The following RPH3A variants were observed in gnomAD, a reference collection of about 807,000 sequenced individuals.
RPH3A encodes the protein rabphilin 3A.
In RPH3A, 48 loss-of-function variants were observed where a neutral mutation model predicts 102.2. The ratio of observed to expected loss-of-function variants is 0.47; its 90% confidence interval spans 0.37 to 0.60. RPH3A has a LOEUF of 0.60. Ranked by LOEUF, RPH3A falls within the 20% of genes least tolerant of loss-of-function variation. The probability of loss-of-function intolerance (pLI) is 0.00; values close to 1 mark genes in which losing one functional copy is unlikely to be tolerated. For missense variants in RPH3A, 781 were observed against 910.1 expected (o/e 0.86, Z 1.83); for synonymous variants, 310 against 324.3 (o/e 0.96, Z 0.47).
At chr12:112,807,231 A>C (rs765058060) in intron 2 of RPH3A, among the ~76,000 whole-genome samples, 4 of 152,166 alleles carry the variant, frequency 2.6e-5, no homozygotes, top group African/African-American at 9.7e-5. Context: ...TGCAGGGTTC[A>C]CATGAAGGCA....
chr12:112,799,689 C>T (rs893599224), intron 2 of RPH3A, among the ~76,000 whole-genome samples: 3 of 152,156 alleles, frequency 2.0e-5, no homozygotes, highest in African/African-American at 7.2e-5. Flanking sequence ...CTTCACCTTC[C>T]CTAACCCCTG....
chr12:112,870,177 T>C, intron 10 of RPH3A, 138 bp downstream of exon 10: 1 of 847,266 alleles, frequency 1.2e-6, no homozygotes, highest in Non-Finnish European at 1.7e-6. Context: ...TTCCAGATAC[T>C]GGTTTTAGTC....
At chr12:112,855,133 T>C (rs895271011) in intron 5 of RPH3A, among the ~76,000 whole-genome samples, 3 of 152,204 alleles carry the variant, frequency 2.0e-5, no homozygotes, top group Non-Finnish European at 4.4e-5. Flanking sequence ...TTCATTCTTC[T>C]AGCCTCTGGG....
intron 1 of RPH3A, among the ~76,000 whole-genome samples, chr12:112,726,242 G>A (rs1262820915): frequency 6.6e-6 from 1 of 152,114 alleles, no homozygotes; most frequent in Non-Finnish European, 1.5e-5. Flanking sequence ...GGGCTCCTGA[G>A]TAGCTGGGAT....
chr12:112,848,707 G>T (rs1353219490), intron 5 of RPH3A, among the ~76,000 whole-genome samples: 1 of 152,124 alleles, frequency 6.6e-6, no homozygotes, highest in African/African-American at 2.4e-5. Flanking sequence ...GAGAAGCAAG[G>T]CTTATAAGAA....
At chr12:112,868,850 T>A in intron 8 of RPH3A, 1 of 379,786 alleles carries the variant, frequency 2.6e-6, no homozygotes. Context: ...ATATCTAGTG[T>A]ACAAGAGGTG....
chr12:112,834,859 T>A (rs1485453130), intron 3 of RPH3A, among the ~76,000 whole-genome samples: 2 of 149,354 alleles, frequency 1.3e-5, no homozygotes, highest in Non-Finnish European at 3.0e-5. Flanking sequence ...TGGATATACA[T>A]GTTACAAATA....
intron 1 of RPH3A, among the ~76,000 whole-genome samples, chr12:112,659,342 A>G (rs140050355): frequency 1.6e-3 from 244 of 152,290 alleles, no homozygotes; most frequent in African/African-American, 5.7e-3. Flanking sequence ...GCTTTCTCAG[A>G]CTTTCTTTGA....
At chr12:112,639,937 A>G (rs1286569922) in intron 1 of RPH3A, among the ~76,000 whole-genome samples, 1 of 152,136 alleles carries the variant, frequency 6.6e-6, no homozygotes, top group Non-Finnish European at 1.5e-5. Context: ...AGTTATCTCC[A>G]TGTACAAATG....
intron 1 of RPH3A, among the ~76,000 whole-genome samples, chr12:112,781,381 C>A (rs2041006296): frequency 6.6e-6 from 1 of 151,920 alleles, no homozygotes; most frequent in South Asian, 2.1e-4. Flanking sequence ...TTGAACACGA[C>A]TGTTCCACGT....
At chr12:112,847,652 A>C (rs879718482) in intron 4 of RPH3A, 44 bp from the exon 5 acceptor site, 2 of 1,597,700 alleles carry the variant, frequency 1.3e-6, no homozygotes, top group South Asian at 1.1e-5. Flanking sequence ...AATTTGAACT[A>C]CTATTTTCTG....
intron 5 of RPH3A, 147 bp from the exon 6 acceptor site, chr12:112,865,267 C>A: frequency 1.1e-6 from 1 of 942,136 alleles, no homozygotes. Flanking sequence ...GTGCATGTGC[C>A]TTTTCTTGGG....
At position 112,875,120 on chromosome 12, in the gene RPH3A, C is replaced by T. The variant is rs1433796427; in HGVS notation, c.833C>T (p.Pro278Leu). Residue 278 changes from proline to leucine, a missense_variant, in exon 11 of 22, where the codon CCT (proline) becomes CTT (leucine). Around this residue, in one of 2 missense-constraint regions of RPH3A, gnomAD observed 730 missense variants for 810.0 expected, o/e 0.90. Transcript: ENST00000389385. ...RRANSVQASR[P>L]APGSVQSPAP... The stretch of plus-strand genomic sequence containing the variant: ...GCCAACTCAGTCCAGGCCTCCAGAC[C>T]TGCCCCAGGCTCGGTGCAGAGCCCA... The T allele has an allele frequency of 6.2e-7, 1 of 1,610,326 alleles. No individual in the cohort carries two copies. Among genetic ancestry groups the T allele is most frequent in the South Asian group, 1.1e-5 (1 of 90,212 alleles).
intron 17 of RPH3A, 26 bp downstream of exon 17, chr12:112,887,949 G>A: frequency 6.2e-7 from 1 of 1,610,906 alleles, no homozygotes; most frequent in Non-Finnish European, 8.5e-7. Context: ...CTGAGGATCT[G>A]ATGGGAGGAG....
intron 1 of RPH3A, among the ~76,000 whole-genome samples, chr12:112,645,739 A>G (rs1415912398): frequency 6.6e-6 from 1 of 152,184 alleles, no homozygotes; most frequent in African/African-American, 2.4e-5. Flanking sequence ...AAAGATTGCA[A>G]TCGCTTCTAG....
At chr12:112,682,351 C>CTTT (rs1314037530) in intron 1 of RPH3A, among the ~76,000 whole-genome samples, 28 of 77,648 alleles carry the variant, frequency 3.6e-4, no homozygotes, top group East Asian at 5.2e-4. Flanking sequence ...TTTTTTCTTT[C>CTTT]TTTCTTTTTT....
intron 18 of RPH3A, among the ~76,000 whole-genome samples, 173 bp downstream of exon 18, chr12:112,890,253 T>G (rs2043070731): frequency 6.6e-6 from 1 of 152,174 alleles, no homozygotes; most frequent in East Asian, 1.9e-4. Flanking sequence ...TCTCCACACC[T>G]AAGCCTCTGA....
rs754482274 is a variant in RPH3A at position 112,870,008 on chromosome 12, G to C, written c.765G>C (p.Gly255=). Residue 255 remains glycine, a synonymous_variant, in exon 10 of 22, where the codon GGG becomes GGC. Transcript: ENST00000389385. ...SRDSESWDHS[G]GAGDSSRSPA... is the part of the protein sequence containing the mutation. ...ATTCAGAGAGCTGGGACCACAGTGGGGGTGCTGGAGACTCCAGCCGGAGCC... is the reference window on the plus strand; with the variant it reads ...ATTCAGAGAGCTGGGACCACAGTGGCGGTGCTGGAGACTCCAGCCGGAGCC... 6.2e-7 allele frequency: 1 copy of C among 1,613,922 alleles called. No individual in the cohort carries two copies. Among genetic ancestry groups the C allele is most frequent in the Non-Finnish European group, 8.5e-7 (1 of 1,180,000 alleles).
chr12:112,587,989 G>A (rs2039450412), intron 1 of RPH3A, among the ~76,000 whole-genome samples: 1 of 152,192 alleles, frequency 6.6e-6, no homozygotes, highest in Admixed American at 6.5e-5. Flanking sequence ...TTGAAGGAAA[G>A]AAAGGTGCCT....
Sources: gnomAD v4.1 joint callset for allele counts (sites outside exome capture counted in the v4.1 genomes callset) on GRCh38, gnomAD v4.1.1 for gene constraint, gnomAD v4.1.1 regional missense constraint, MANE v1.5 for transcripts, NCBI Gene and HGNC (gene_info 2026-07-23, HGNC 2026-07-21) for gene names.